SCAF11: variants seen among roughly 807,000 people sequenced by gnomAD.
SCAF11 encodes the protein SR-related CTD associated factor 11.
In SCAF11, 47 loss-of-function variants were observed where a neutral mutation model predicts 140.5. The ratio of observed to expected loss-of-function variants is 0.33; its 90% CI spans 0.26 to 0.43. The LOEUF is 0.43. SCAF11 is among the 20% of genes least tolerant of loss of function. SCAF11 has a pLI of 1.00. For missense variants in SCAF11, 1,645 were observed against 1,705.1 expected (o/e 0.96, Z 0.62); for synonymous variants, 557 against 579.4 (o/e 0.96, Z 0.55).
At chr12:45,957,040 G>A (rs1168373809) in intron 3 of SCAF11, among the ~76,000 whole-genome samples, 2 of 152,096 alleles carry the variant, frequency 1.3e-5, no homozygotes, top group African/African-American at 4.8e-5. Context: ...CCACACTAAG[G>A]ATGAAGATGG....
In SCAF11 at chr12:45,928,246, T is replaced by C. The variant is rs756755219; in HGVS notation, c.1455A>G (p.Leu485=). 6.2e-7 allele frequency: 1 copy of C among 1,614,022 alleles called. No homozygotes were observed. The highest frequency in any genetic ancestry group is 1.1e-5 in the South Asian group (1 of 91,078). The change falls in exon 11 of 15, where the codon CTA becomes CTG. Residue 485 remains leucine (L), a synonymous_variant. Coordinates refer to ENST00000369367, the MANE Select transcript of SCAF11 (RefSeq NM_004719.3). ...SESCAQDLPV[L]VGEEGEVKKL... ...TTTTAACTTCCCCTTCCTCACCAAC[T>C]AGCACAGGAAGATCTTGAGCACAAG...
At chr12:45,949,202 T>A (rs1945493604) in intron 4 of SCAF11, among the ~76,000 whole-genome samples, 1 of 152,090 alleles carries the variant, frequency 6.6e-6, no homozygotes, top group Non-Finnish European at 1.5e-5. Flanking sequence ...AAAAGAAAGC[T>A]CTTAAGATAG....
chr12:45,959,395 G>A (rs1015386563), intron 3 of SCAF11, among the ~76,000 whole-genome samples: 1 of 152,128 alleles, frequency 6.6e-6, no homozygotes, highest in Non-Finnish European at 1.5e-5. Flanking sequence ...TCCTTGTCTT[G>A]TATAGCAAAT....
intron 3 of SCAF11, 85 bp from the exon 4 acceptor site, chr12:45,951,812 T>C: frequency 1.1e-6 from 1 of 873,108 alleles, no homozygotes; most frequent in Non-Finnish European, 1.7e-6. Flanking sequence ...TCCATAAAAT[T>C]ATTTTTATCT....
intron 6 of SCAF11, among the ~76,000 whole-genome samples, chr12:45,936,485 T>C (rs917336261): frequency 2.6e-5 from 4 of 152,168 alleles, no homozygotes; most frequent in African/African-American, 9.6e-5. Context: ...TGTCTTTGTT[T>C]TCTCTTTTCC....
At chr12:45,923,745 C>T (rs553302449) in intron 12 of SCAF11, among the ~76,000 whole-genome samples, 150 of 152,204 alleles carry the variant, frequency 9.9e-4, no homozygotes, top group Admixed American at 3.2e-3. Flanking sequence ...TGCAGTGGCG[C>T]GATCTTGGCT....
chr12:45,945,527 T>C (rs573911339), intron 5 of SCAF11, among the ~76,000 whole-genome samples: 1 of 151,322 alleles, frequency 6.6e-6, no homozygotes, highest in Admixed American at 6.6e-5. Context: ...TGAGTTGTAT[T>C]ATCTCAGTCT....
chr12:45,948,264 G>A (rs1466549959), intron 5 of SCAF11, among the ~76,000 whole-genome samples, 173 bp downstream of exon 5: 1 of 152,038 alleles, frequency 6.6e-6, no homozygotes, highest in African/African-American at 2.4e-5. Context: ...ACAGAGTAGA[G>A]CTCAAATCAG....
Position 45,927,375 on chromosome 12 carries a change from T to G in SCAF11, c.2326A>C (p.Ser776Arg), listed in dbSNP as rs1944905743. The G allele has an allele frequency of 1.2e-6, 2 of 1,614,036 alleles. No individual in the cohort carries two copies. Among genetic ancestry groups the G allele is most frequent in the Non-Finnish European group, 1.7e-6 (2 of 1,180,024 alleles). ...GTTTTATCTATGGTATCTTTTGGGCTTTCAGATGGTTGAGAAACAGTTTCA... is the reference window on the plus strand; with the variant it reads ...GTTTTATCTATGGTATCTTTTGGGCGTTCAGATGGTTGAGAAACAGTTTCA... ...KVETVSQPSE[S>R]PKDTIDKTKK... Residue 776 changes from serine (S) to arginine (R), a missense_variant, in exon 11 of 15, where the codon AGC becomes CGC. Transcript: ENST00000369367.
At chr12:45,974,586 C>A (rs1946188960) in intron 1 of SCAF11, 1 of 180,830 alleles carries the variant, frequency 5.5e-6, no homozygotes, top group Non-Finnish European at 1.2e-5. Flanking sequence ...CCCTAAGAAA[C>A]AACTCTTCAT....
chr12:45,936,295 C>T (rs1010620557), intron 6 of SCAF11, among the ~76,000 whole-genome samples: 24 of 151,984 alleles, frequency 1.6e-4, no homozygotes, highest in African/African-American at 5.8e-4. Context: ...GCGCACACCA[C>T]CACGCCCGGC....
At chr12:45,984,161 A>C (rs1209181399) in intron 1 of SCAF11, among the ~76,000 whole-genome samples, 1 of 152,222 alleles carries the variant, frequency 6.6e-6, no homozygotes, top group Non-Finnish European at 1.5e-5. Flanking sequence ...ATAAAAAGAA[A>C]AAGGGATTAC....
At chr12:45,991,889 G>A (rs1013189024), upstream of SCAF11, 1 of 1,286,212 alleles carries the variant, frequency 7.8e-7, no homozygotes, top group Admixed American at 2.3e-5. Context: ...GCTCACCCAG[G>A]TCCCAGTCGC....
chr12:45,937,671 A>C (rs1945201763), intron 6 of SCAF11, among the ~76,000 whole-genome samples: 1 of 152,216 alleles, frequency 6.6e-6, no homozygotes, highest in Non-Finnish European at 1.5e-5. Context: ...AGTTTTCCAA[A>C]AGATGTCCCT....
intron 6 of SCAF11, among the ~76,000 whole-genome samples, chr12:45,937,254 TATC>T (rs1172647808): frequency 2.0e-5 from 3 of 152,074 alleles, no homozygotes; most frequent in Non-Finnish European, 2.9e-5. Context: ...CTTAAGAACT[TATC>T]TTCTACTCCT....
At chr12:45,981,088 A>G (rs1227259823) in intron 1 of SCAF11, among the ~76,000 whole-genome samples, 1 of 152,202 alleles carries the variant, frequency 6.6e-6, no homozygotes, top group African/African-American at 2.4e-5. Context: ...AGACCAAAAT[A>G]ATGCTGTTAG....
At chr12:45,959,850 A>T (rs1404314783) in intron 3 of SCAF11, among the ~76,000 whole-genome samples, 3 of 152,240 alleles carry the variant, frequency 2.0e-5, no homozygotes, top group Non-Finnish European at 4.4e-5. Flanking sequence ...CAACGAAATA[A>T]TTCAGAATGT....
intron 3 of SCAF11, among the ~76,000 whole-genome samples, chr12:45,959,130 G>C (rs1192765031): frequency 6.6e-6 from 1 of 152,078 alleles, no homozygotes; most frequent in Non-Finnish European, 1.5e-5. Context: ...GATCCTAACT[G>C]CAAATTGTAC....
chr12:45,924,372 C>G (rs532145147), intron 12 of SCAF11, among the ~76,000 whole-genome samples: 1 of 152,140 alleles, frequency 6.6e-6, no homozygotes, highest in African/African-American at 2.4e-5. Context: ...TCCCACCGTC[C>G]CCATATACCC....
Sources: allele counts gnomAD v4.1 joint callset (sites outside exome capture counted in the v4.1 genomes callset), GRCh38; gene constraint gnomAD v4.1.1; transcripts MANE v1.5; gene names NCBI Gene and HGNC (gene_info 2026-07-23, HGNC 2026-07-21).